CACHD1: variants seen among roughly 807,000 people sequenced by gnomAD.
The protein encoded by CACHD1 is VWFA and cache domain-containing protein 1.
CACHD1 carries 71 observed loss-of-function variants against 138.7 expected under a neutral mutation model. The observed-to-expected ratio is 0.51, with a 90% CI of 0.42 to 0.62. The LOEUF (loss-of-function observed/expected upper bound fraction) is 0.62. CACHD1 is among the 20% of genes least tolerant of loss of function. The pLI is 0.00. For missense variants in CACHD1, 1,389 were observed against 1,625.3 expected (o/e 0.85, Z 2.50); for synonymous variants, 578 against 591.5 (o/e 0.98, Z 0.33).
At chr1:64,576,917 T>C (rs1049848669) in intron 2 of CACHD1, among the ~76,000 whole-genome samples, 17 of 151,816 alleles carry the variant, frequency 1.1e-4, no homozygotes, top group African/African-American at 4.1e-4. Context: ...GTTTTTTTTT[T>C]TTAGAATTCT....
chr1:64,473,571 G>A (rs1049039673), intron 1 of CACHD1, among the ~76,000 whole-genome samples: 4 of 152,054 alleles, frequency 2.6e-5, no homozygotes, highest in African/African-American at 9.7e-5. Flanking sequence ...GATGGTCAGG[G>A]TGGGGGTGGA....
chr1:64,554,577 C>T (rs1044644872), intron 2 of CACHD1, among the ~76,000 whole-genome samples: 5 of 152,146 alleles, frequency 3.3e-5, no homozygotes, highest in Non-Finnish European at 4.4e-5. Flanking sequence ...TGGTATCAGG[C>T]GAGTTTCATT....
intron 1 of CACHD1, among the ~76,000 whole-genome samples, chr1:64,476,687 T>C (rs2100262610): frequency 6.6e-6 from 1 of 152,376 alleles, no homozygotes; most frequent in East Asian, 1.9e-4. Flanking sequence ...ACTGTCTCTG[T>C]TGTGCTTAGC....
intron 2 of CACHD1, among the ~76,000 whole-genome samples, chr1:64,552,170 G>C (rs956027208): frequency 1.3e-5 from 2 of 151,382 alleles, no homozygotes; most frequent in African/African-American, 4.9e-5. Flanking sequence ...CACCCCCTTT[G>C]CACTGATGTC....
intron 3 of CACHD1, among the ~76,000 whole-genome samples, chr1:64,589,401 T>C (rs113181258): frequency 0.016 from 2,449 of 152,274 alleles, 63 homozygotes; most frequent in African/African-American, 0.056. Context: ...CTCCTGATTA[T>C]AATAATTCTC....
intron 1 of CACHD1, among the ~76,000 whole-genome samples, chr1:64,544,680 A>G (rs759012621): frequency 6.6e-6 from 1 of 151,868 alleles, no homozygotes; most frequent in Non-Finnish European, 1.5e-5. Context: ...ACTGTATTCA[A>G]CTGTTATTAT....
At chr1:64,497,844 C>T (rs1033215634) in intron 1 of CACHD1, among the ~76,000 whole-genome samples, 4 of 152,004 alleles carry the variant, frequency 2.6e-5, no homozygotes, top group East Asian at 1.9e-4. Flanking sequence ...AACTGTGGCA[C>T]GCTGGGTGTG....
chr1:64,653,514 A>C (rs978877925), intron 10 of CACHD1, among the ~76,000 whole-genome samples: 4 of 152,170 alleles, frequency 2.6e-5, no homozygotes, highest in African/African-American at 4.8e-5. Flanking sequence ...ACAACAAAAC[A>C]ACCAATACCT....
At chr1:64,561,869 A>AAT (rs1646842554) in intron 2 of CACHD1, among the ~76,000 whole-genome samples, 1 of 151,516 alleles carries the variant, frequency 6.6e-6, no homozygotes, top group Admixed American at 6.6e-5. Context: ...AAAAAAAAAA[A>AAT]AAAAAAGTTT....
At position 64,470,660 on chromosome 1, in the gene CACHD1, G is replaced by C; in HGVS notation, c.-85G>C. On this transcript the variant is annotated 5_prime_UTR_variant, in exon 1 of 27. Coordinates refer to ENST00000651257, the MANE Select transcript of CACHD1 (RefSeq NM_020925.4). The surrounding 1 kb of genome is among the most constrained non-coding windows in gnomAD (Gnocchi z 5.2). ...CAACAGAGGAAGAAACTTTTGCGGG[G>C]TGCGCCGCGCTTTTGCGGGGGGCAC... 2.2e-6 allele frequency: 1 copy of C among 452,394 alleles called. No homozygotes were observed. Among genetic ancestry groups the C allele is most frequent in the Non-Finnish European group, 3.9e-6 (1 of 258,974 alleles). The allele number at this position is 452,394 out of a possible 1,614,324, so 28.0% of individuals were successfully genotyped here.
intron 2 of CACHD1, among the ~76,000 whole-genome samples, chr1:64,567,704 A>T (rs1646893474): frequency 6.6e-6 from 1 of 152,196 alleles, no homozygotes; most frequent in African/African-American, 2.4e-5. Flanking sequence ...GTTGTTTTTC[A>T]TACTTTTTCT....
chr1:64,591,954 A>T (rs1353163007), intron 3 of CACHD1, among the ~76,000 whole-genome samples: 1 of 152,216 alleles, frequency 6.6e-6, no homozygotes, highest in African/African-American at 2.4e-5. Flanking sequence ...TCCTCGATAA[A>T]TATTTGCCAA....
At chr1:64,606,913 T>G (rs961970501) in intron 4 of CACHD1, among the ~76,000 whole-genome samples, 1 of 152,134 alleles carries the variant, frequency 6.6e-6, no homozygotes, top group Non-Finnish European at 1.5e-5. Context: ...AGTTGTCATT[T>G]ATTGTGATGG....
intron 8 of CACHD1, among the ~76,000 whole-genome samples, chr1:64,647,199 T>C: frequency 6.6e-6 from 1 of 152,178 alleles, no homozygotes; most frequent in East Asian, 1.9e-4. Flanking sequence ...TTGTATTAAG[T>C]AAATCAAGTT....
intron 1 of CACHD1, among the ~76,000 whole-genome samples, chr1:64,535,964 A>G (rs307336): frequency 0.21 from 31,478 of 152,042 alleles, 7,216 homozygotes; most frequent in African/African-American, 0.58. Context: ...GAGCCCCTAC[A>G]TTGTGCTCCC....
intron 1 of CACHD1, among the ~76,000 whole-genome samples, chr1:64,550,133 G>A (rs967590040): frequency 6.6e-6 from 1 of 152,162 alleles, no homozygotes; most frequent in Non-Finnish European, 1.5e-5. Flanking sequence ...CTTGAGTAAC[G>A]AAGGTGATAG....
At chr1:64,639,053 C>T (rs1415722884) in intron 7 of CACHD1, among the ~76,000 whole-genome samples, 2 of 152,136 alleles carry the variant, frequency 1.3e-5, no homozygotes, top group African/African-American at 4.8e-5. Context: ...CAGACATGGA[C>T]CTTTGCCCTA....
At chr1:64,671,814 C>A in intron 17 of CACHD1, 128 bp downstream of exon 17, 1 of 1,142,384 alleles carries the variant, frequency 8.8e-7, no homozygotes. Flanking sequence ...CCTGGGTGTC[C>A]TATTAAGAAG....
intron 1 of CACHD1, among the ~76,000 whole-genome samples, chr1:64,547,809 A>G (rs947378352): frequency 1.4e-5 from 2 of 143,860 alleles, no homozygotes; most frequent in African/African-American, 6.0e-5. Context: ...TACTTGAGGA[A>G]GGAGAAGGGG....
Sources: allele counts gnomAD v4.1 joint callset (sites outside exome capture counted in the v4.1 genomes callset), GRCh38; gene constraint gnomAD v4.1.1; non-coding constraint Gnocchi (gnomAD v3.1); transcripts MANE v1.5; gene names NCBI Gene and HGNC (gene_info 2026-07-23, HGNC 2026-07-21).